Variants in DIAPH2 observed in about 807,000 individuals in gnomAD.
DIAPH2 encodes protein diaphanous homolog 2.
DIAPH2 carries 35 observed loss-of-function variants against 92.7 expected under a neutral mutation model. That is an observed-to-expected ratio of 0.38 (90% CI 0.29 to 0.50). The LOEUF is 0.50. Ranked by LOEUF, DIAPH2 falls within the 20% of genes least tolerant of loss-of-function variation. The pLI, the probability that DIAPH2 is intolerant of heterozygous loss-of-function variation, is 0.94. For missense variants in DIAPH2, 701 were observed against 819.5 expected (o/e 0.86, Z 1.77); for synonymous variants, 301 against 280.4 (o/e 1.07, Z -0.73).
intron 5 of DIAPH2, among the ~76,000 whole-genome samples, chrX:96,888,938 A>G (rs1395017924): frequency 9.0e-6 from 1 of 110,530 alleles, no homozygotes; most frequent in Non-Finnish European, 1.9e-5. Context: ...CACAATAAGG[A>G]AAGTCTATTA....
rs750476945 is a variant in DIAPH2, at chrX:97,010,595, C to A, written c.2050+45388C>A. Reference sequence around the variant, plus strand: ...GTAATTCCTGTTTCAGTTTATTCATCCTGAAATTAAGAAGTAGAAGAGAAG... The same window carrying A: ...GTAATTCCTGTTTCAGTTTATTCATACTGAAATTAAGAAGTAGAAGAGAAG... On this transcript the variant is annotated intron_variant, in intron 17 of 26. Transcript: ENST00000324765. Among the ~76,000 whole-genome samples the A allele has an allele frequency of 2.6e-4, 29 of 111,455 alleles. No individual in the cohort carries two copies. In the South Asian group the frequency reaches 0.011, roughly 42 times the overall value.
intron 17 of DIAPH2, among the ~76,000 whole-genome samples, chrX:96,969,148 G>T (rs1276314654): frequency 2.7e-5 from 3 of 111,988 alleles, no homozygotes; most frequent in Non-Finnish European, 5.6e-5. Context: ...TAGTTTGAAG[G>T]CAGGTAATGT....
chrX:96,789,119 G>A (rs1433557612), intron 4 of DIAPH2, among the ~76,000 whole-genome samples: 2 of 112,128 alleles, frequency 1.8e-5, no homozygotes, highest in Admixed American at 9.5e-5. Flanking sequence ...GATACAGGCG[G>A]AGTTTGGAGG....
chrX:96,943,204 T>C (rs1403686377), intron 13 of DIAPH2, among the ~76,000 whole-genome samples: 1 of 111,498 alleles, frequency 9.0e-6, no homozygotes, highest in East Asian at 2.8e-4. Flanking sequence ...ACTTTTAATG[T>C]CTGTATAATA....
chrX:97,135,193 C>CTTTGTTTTGT (rs142293489), intron 21 of DIAPH2, among the ~76,000 whole-genome samples: 8 of 107,320 alleles, frequency 7.5e-5, no homozygotes, highest in East Asian at 6.1e-4. Context: ...AGTAGTTTTG[C>CTTTGTTTTGT]TTTGTTTTGT....
intron 5 of DIAPH2, among the ~76,000 whole-genome samples, chrX:96,900,664 G>C (rs763926165): frequency 6.3e-5 from 7 of 111,267 alleles, no homozygotes; most frequent in African/African-American, 9.8e-5. Context: ...TATCATAAAG[G>C]GATGGTGGAT....
intron 22 of DIAPH2, among the ~76,000 whole-genome samples, chrX:97,234,503 A>G (rs185688321): frequency 9.0e-6 from 1 of 111,401 alleles, no homozygotes; most frequent in African/African-American, 3.3e-5. Context: ...ATGGATCAAC[A>G]AACTTTTTCT....
At chrX:97,097,547 T>C (rs1410860519) in intron 19 of DIAPH2, among the ~76,000 whole-genome samples, 1 of 112,091 alleles carries the variant, frequency 8.9e-6, no homozygotes, top group African/African-American at 3.2e-5. Context: ...AAAAATAAAA[T>C]AACAAAAGTT....
chrX:97,534,946 C>T (rs1201321673), intron 26 of DIAPH2, among the ~76,000 whole-genome samples: 1 of 110,594 alleles, frequency 9.0e-6, no homozygotes, highest in Non-Finnish European at 1.9e-5. Context: ...TCTAATTATG[C>T]GGAAATTGTC....
chrX:96,803,408 G>T (rs2064599198), intron 4 of DIAPH2, among the ~76,000 whole-genome samples: 1 of 111,502 alleles, frequency 9.0e-6, no homozygotes, highest in Non-Finnish European at 1.9e-5. Context: ...CAGAAAATCT[G>T]ATATGTTAGC....
At chrX:97,226,606 C>T (rs1443607333) in intron 22 of DIAPH2, among the ~76,000 whole-genome samples, 1 of 111,010 alleles carries the variant, frequency 9.0e-6, no homozygotes, top group Non-Finnish European at 1.9e-5. Flanking sequence ...AACTCCTGAC[C>T]TCAGGTGATC....
Position 97,449,569 on chromosome X carries a change from T to G in DIAPH2, c.3241+19824T>G, listed in dbSNP as rs779304239. On this transcript the variant is annotated intron_variant, in intron 26 of 26. Transcript: ENST00000324765. ...ATTTTGTGAAACTACCGATGGTCAT[T>G]CAAAGGGAAGATTGTTGGGAAGGGG... 123 of 399,846 alleles carry G rather than the reference T, an allele frequency of 3.1e-4. No homozygotes were observed. In the African/African-American group the frequency reaches 3.2e-3, roughly 10 times the overall value. 33.0% of individuals were successfully genotyped at this position (399,846 alleles called of 1,213,427 possible).
At chrX:97,484,240 G>A (rs2070671898) in intron 26 of DIAPH2, among the ~76,000 whole-genome samples, 1 of 111,395 alleles carries the variant, frequency 9.0e-6, no homozygotes, top group African/African-American at 3.3e-5. Context: ...AATAGTTAAA[G>A]AGCAATATTT....
At chrX:97,333,383 C>T (rs1284527169) in intron 23 of DIAPH2, among the ~76,000 whole-genome samples, 4 of 111,450 alleles carry the variant, frequency 3.6e-5, no homozygotes, top group African/African-American at 1.3e-4. Flanking sequence ...AGTCATTATT[C>T]TCTGCCCCCA....
chrX:96,943,825 C>T (rs1012960090), intron 13 of DIAPH2, among the ~76,000 whole-genome samples: 2 of 111,103 alleles, frequency 1.8e-5, no homozygotes, highest in South Asian at 3.8e-4. Flanking sequence ...GAGAGACGAA[C>T]GGATCAGGTG....
rs182992985 is a variant in DIAPH2, at chrX:96,966,677, C to A, written c.2050+1470C>A. On this transcript the variant is annotated intron_variant, in intron 17 of 26. Coordinates refer to ENST00000324765, the MANE Select transcript of DIAPH2 (RefSeq NM_006729.5). ...ATGGGCCTATCTTAATTTAATTAAT[C>A]CCATATCAATGGCTATTTAGATTAG... Among the ~76,000 whole-genome samples, 689 of 111,651 alleles carry A rather than the reference C, an allele frequency of 6.2e-3. 11 individuals carry two copies. Among genetic ancestry groups the A allele is most frequent in the African/African-American group, 0.021 (634 of 30,800 alleles).
intron 17 of DIAPH2, among the ~76,000 whole-genome samples, chrX:96,998,220 T>C (rs964679315): frequency 2.7e-5 from 3 of 111,274 alleles, no homozygotes; most frequent in African/African-American, 1.0e-4. Flanking sequence ...TAGTAATTAA[T>C]ATTTACCTTT....
chrX:97,564,082 G>C (rs915573545), intron 26 of DIAPH2, among the ~76,000 whole-genome samples: 2 of 111,958 alleles, frequency 1.8e-5, no homozygotes, highest in Admixed American at 1.9e-4. Context: ...TCCCTGTTAT[G>C]AAAGACCAAA....
intron 4 of DIAPH2, among the ~76,000 whole-genome samples, chrX:96,848,504 A>G (rs1262422313): frequency 4.5e-5 from 5 of 112,352 alleles, no homozygotes; most frequent in African/African-American, 1.6e-4. Flanking sequence ...TTCTTCCCTT[A>G]CTAATTTAAG....
Sources: gnomAD v4.1 joint callset for allele counts (sites outside exome capture counted in the v4.1 genomes callset) on GRCh38, gnomAD v4.1.1 for gene constraint, MANE v1.5 for transcripts, NCBI Gene and HGNC (gene_info 2026-07-23, HGNC 2026-07-21) for gene names.